The following SLC39A14 variants were observed in gnomAD, a reference collection of about 807,000 sequenced individuals.
The protein encoded by SLC39A14 is solute carrier family 39 member 14, also known as metal cation symporter ZIP14.
SLC39A14 carries 19 observed loss-of-function variants against 45.5 expected under a neutral mutation model. The observed-to-expected ratio is 0.42, with a 90% confidence interval of 0.29 to 0.61. The LOEUF is 0.61. Among genes scored for constraint, SLC39A14 ranks in the 20% least tolerant of loss-of-function variants. The pLI is 0.22. For synonymous variants in SLC39A14, 264 were observed against 251.3 expected, an observed-to-expected ratio of 1.05 and a Z score of -0.48; for missense variants, 447 against 616.5, an observed-to-expected ratio of 0.73 and a Z score of 2.91.
chr8:22,391,565 C>T lies in SLC39A14; in HGVS notation c.-15-13131C>T, dbSNP rs547434764. 6.6e-5 allele frequency among the ~76,000 whole-genome samples: 10 copies of T among 151,820 alleles called. 1 individual carries two copies. The East Asian group carries it at 1.9e-3, about 29-fold the overall frequency. On this transcript the variant is annotated intron_variant, in intron 1 of 8. Coordinates refer to ENST00000381237, the MANE Select transcript of SLC39A14 (RefSeq NM_001128431.4). ...TCCTTGGAAAGTGGTTCTGAGCTCC[C>T]TGTTCTTTTTTTTTTTTCTTTTGAG...
rs539483263 is a variant in SLC39A14, at chr8:22,371,387, T to C, written c.-16+3979T>C. 1.0e-3 allele frequency among the ~76,000 whole-genome samples: 156 copies of C among 149,618 alleles called. 1 individual carries two copies. The highest frequency in any genetic ancestry group is 3.7e-3 in the African/African-American group (152 of 41,086). On this transcript the variant is annotated intron_variant, in intron 1 of 8. Transcript: ENST00000381237. ...GTTAATAAAAAAAATCAGATAAAAG[T>C]TGGATATCTAAAAAAAAAATACATG...
chr8:22,395,453 C>G (rs972251060), intron 1 of SLC39A14, among the ~76,000 whole-genome samples: 11 of 152,186 alleles, frequency 7.2e-5, no homozygotes, highest in Non-Finnish European at 2.9e-5. Flanking sequence ...GCCTAGTGTT[C>G]CATTTTTTGA....
At chr8:22,431,320 T>C (rs577908811) in intron 8 of SLC39A14, among the ~76,000 whole-genome samples, 1 of 152,356 alleles carries the variant, frequency 6.6e-6, no homozygotes, top group East Asian at 1.9e-4. Context: ...TTGCAGATTA[T>C]ACATTATAAT....
At chr8:22,403,149 T>C (rs1035008751) in intron 1 of SLC39A14, among the ~76,000 whole-genome samples, 6 of 152,090 alleles carry the variant, frequency 3.9e-5, no homozygotes, top group Non-Finnish European at 8.8e-5. Flanking sequence ...GCTAATTTTT[T>C]CTATTTTTAG....
At chr8:22,385,942 T>C (rs1037024763) in intron 1 of SLC39A14, among the ~76,000 whole-genome samples, 25 of 152,140 alleles carry the variant, frequency 1.6e-4, no homozygotes, top group African/African-American at 5.8e-4. Flanking sequence ...TGTACTTTAT[T>C]TTATTTTATT....
At chr8:22,419,264 A>G (rs920311382) in intron 8 of SLC39A14, among the ~76,000 whole-genome samples, 1 of 152,018 alleles carries the variant, frequency 6.6e-6, no homozygotes, top group African/African-American at 2.4e-5. Context: ...CATTCACTGC[A>G]GCCTTGCCTT....
chr8:22,367,974 CT>C lies in SLC39A14; in HGVS notation c.-16+567del, dbSNP rs1472177736. ...TAGGTGGTCGGGTTCAGGCTGCCCC[CT>C]CTTGGTGGGTGAGGGCAGTGGGACA... On this transcript the variant is annotated intron_variant, in intron 1 of 8. Coordinates refer to ENST00000381237, the MANE Select transcript of SLC39A14 (RefSeq NM_001128431.4). The surrounding 1 kb of genome is among the most constrained non-coding windows in gnomAD (Gnocchi z 4.2). Among the ~76,000 whole-genome samples, 1 of 152,152 alleles carries C rather than the reference CT, an allele frequency of 6.6e-6. No homozygotes were observed. The highest frequency in any genetic ancestry group is 1.5e-5 in the Non-Finnish European group (1 of 68,030).
chr8:22,424,393 T>C (rs1836346901), downstream of SLC39A14, among the ~76,000 whole-genome samples: 2 of 152,226 alleles, frequency 1.3e-5, no homozygotes, highest in African/African-American at 2.4e-5. Context: ...ATCTTATGAC[T>C]ACCTCCATTA....
intron 1 of SLC39A14, among the ~76,000 whole-genome samples, chr8:22,389,156 T>G (rs770084308): frequency 2.6e-5 from 4 of 152,194 alleles, no homozygotes; most frequent in Non-Finnish European, 5.9e-5. Context: ...GACTTCAGTG[T>G]GCATCATGAT....
In SLC39A14 at chr8:22,408,422, G is replaced by C; in HGVS notation, c.383G>C (p.Arg128Pro). 1 of 1,614,198 alleles carries C rather than the reference G, an allele frequency of 6.2e-7. No homozygotes were observed. Among genetic ancestry groups the C allele is most frequent in the Non-Finnish European group, 8.5e-7 (1 of 1,180,044 alleles). Residue 128 changes from arginine (R) to proline (P), a missense_variant, in exon 3 of 9, where the codon CGG becomes CCG. Physicochemically the swap from Arg to Pro is moderately radical, Grantham distance 103 (BLOSUM62 -2). Transcript: ENST00000381237. The part of the protein sequence containing the change: ...CPTILQQLDS[R>P]ACTSENQENE... ...ACCATCCTCCAGCAGCTGGATTCCC[G>C]GGCCTGCACCTCGGAGAACCAGGAA...
intron 1 of SLC39A14, among the ~76,000 whole-genome samples, chr8:22,377,289 A>G (rs1416335052): frequency 6.6e-6 from 1 of 151,252 alleles, no homozygotes; most frequent in Non-Finnish European, 1.5e-5. Context: ...TTTTTTTTTA[A>G]GTGTTTCCTT....
downstream of SLC39A14, among the ~76,000 whole-genome samples, chr8:22,427,097 A>T (rs866174370): frequency 6.6e-6 from 1 of 151,064 alleles, no homozygotes; most frequent in African/African-American, 2.4e-5. Context: ...GTTTGAGACC[A>T]GCCTGGCCAA....
chr8:22,383,448 T>C (rs2132207790), intron 1 of SLC39A14, among the ~76,000 whole-genome samples: 1 of 152,240 alleles, frequency 6.6e-6, no homozygotes. Context: ...CTAAAAGTTG[T>C]ATGGGAGCAA....
intron 1 of SLC39A14, among the ~76,000 whole-genome samples, chr8:22,401,543 C>CTTTTTTTTTTTTTTTTT (rs71544899): frequency 7.1e-5 from 6 of 84,054 alleles, no homozygotes; most frequent in South Asian, 4.8e-4. Context: ...TCTTCTCTTT[C>CTTTTTTTTTTTTTTTTT]TTTTTTTTTT....
chr8:22,402,170 A>G (rs961364454), intron 1 of SLC39A14, among the ~76,000 whole-genome samples: 3 of 152,074 alleles, frequency 2.0e-5, no homozygotes, highest in African/African-American at 7.2e-5. Context: ...TCACGAGGTC[A>G]GGAGATTGAG....
chr8:22,387,967 G>A (rs550227393), intron 1 of SLC39A14, among the ~76,000 whole-genome samples: 7 of 152,184 alleles, frequency 4.6e-5, no homozygotes, highest in African/African-American at 7.2e-5. Context: ...GTGTGGTGGC[G>A]CATGCCTGTT....
Position 22,399,847 on chromosome 8 carries a change from A to C in SLC39A14, c.-15-4849A>C, listed in dbSNP as rs562669581. 3.3e-5 allele frequency among the ~76,000 whole-genome samples: 5 copies of C among 152,354 alleles called. No individual in the cohort carries two copies. In the East Asian group the frequency reaches 9.6e-4, roughly 29 times the overall value. On this transcript the variant is annotated intron_variant, in intron 1 of 8. Coordinates refer to ENST00000381237, the MANE Select transcript of SLC39A14 (RefSeq NM_001128431.4). ...GCTAAAATCACCCTGAGTTTCCCAC[A>C]CCTGAAGTCTTTTGGGGTTTGTTTG...
chr8:22,385,034 A>C (rs910207045), intron 1 of SLC39A14, among the ~76,000 whole-genome samples: 2 of 152,170 alleles, frequency 1.3e-5, no homozygotes, highest in Admixed American at 6.5e-5. Context: ...TGGGCAACAG[A>C]GTGAGACTCC....
At chr8:22,414,612 A>G (rs1439938034) in intron 4 of SLC39A14, among the ~76,000 whole-genome samples, 168 bp from the exon 5 acceptor site, 1 of 152,214 alleles carries the variant, frequency 6.6e-6, no homozygotes, top group Non-Finnish European at 1.5e-5. Context: ...ACATCAGGGA[A>G]ACACCAAGGA....
Sources: allele counts gnomAD v4.1 joint callset (sites outside exome capture counted in the v4.1 genomes callset), GRCh38; gene constraint gnomAD v4.1.1; non-coding constraint Gnocchi (gnomAD v3.1); transcripts MANE v1.5; gene names NCBI Gene and HGNC (gene_info 2026-07-23, HGNC 2026-07-21).